The following ARID1B variants were observed in gnomAD, a reference collection of about 807,000 sequenced individuals.
ARID1B encodes AT-rich interactive domain-containing protein 1B.
Under a neutral mutation model 212.3 loss-of-function variants are expected in ARID1B, and 30 were observed. The ratio of observed to expected loss-of-function variants is 0.14; its 90% CI spans 0.11 to 0.19. The LOEUF (loss-of-function observed/expected upper bound fraction) is 0.19, where lower values mean the gene tolerates loss of function less well. Among genes scored for constraint, ARID1B ranks in the 10% least tolerant of loss-of-function variants. The probability of loss-of-function intolerance (pLI) is 1.00; values close to 1 mark genes in which losing one functional copy is unlikely to be tolerated. For synonymous variants in ARID1B, 1,402 were observed against 1,301.7 expected, an observed-to-expected ratio of 1.08 and a Z score of -1.66; for missense variants, 2,891 against 3,204.0, an observed-to-expected ratio of 0.90 and a Z score of 2.36.
intron 4 of ARID1B, among the ~76,000 whole-genome samples, chr6:156,948,791 AAAG>A (rs1793361865): frequency 6.6e-6 from 1 of 152,282 alleles, no homozygotes; most frequent in Non-Finnish European, 1.5e-5. Flanking sequence ...AGGAATAAGA[AAAG>A]AAATCCTCAA....
At chr6:156,899,144 C>G (rs900413848) in intron 2 of ARID1B, among the ~76,000 whole-genome samples, 1 of 152,150 alleles carries the variant, frequency 6.6e-6, no homozygotes. Context: ...TGGGACTGGG[C>G]AGGGCATCTA....
intron 3 of ARID1B, among the ~76,000 whole-genome samples, chr6:156,920,183 C>A (rs1290025077): frequency 6.6e-6 from 1 of 152,260 alleles, no homozygotes; most frequent in Admixed American, 6.5e-5. Context: ...TCACCTCCCT[C>A]CCCTTCAGCT....
At chr6:156,912,066 C>T (rs765450040) in intron 3 of ARID1B, among the ~76,000 whole-genome samples, 4 of 152,028 alleles carry the variant, frequency 2.6e-5, no homozygotes, top group Non-Finnish European at 1.5e-5. Flanking sequence ...TCTAAATTAT[C>T]TACATAAACA....
In ARID1B at chr6:157,201,405, G is replaced by A. The variant is rs1206706709; in HGVS notation, c.5180G>A (p.Arg1727Lys). 6.3e-7 allele frequency: 1 copy of A among 1,588,258 alleles called. No individual in the cohort carries two copies. The change falls in exon 18 of 20, where the codon AGG becomes AAG. Residue 1727 changes from arginine (R) to lysine (K), a missense_variant. By Grantham distance (26) the Arg-to-Lys change is conservative (BLOSUM62 2). This residue lies in a region of ARID1B where 666 missense variants were observed against 873.5 expected (regional missense o/e 0.76). Transcript: ENST00000636930. This position sits in a 1 kb window ranked among gnomAD's most constrained non-coding sequence, Gnocchi z 5.2. ...CCACCCCAACCACCCCCAATCAGAA[G>A]GGAGATCACCTTTCCTCCTGGCTCA... is the stretch of plus-strand genomic sequence containing the variant. Reference protein sequence around the residue: ...GPPPQPPPIRREITFPPGSVE... With the variant: ...GPPPQPPPIRKEITFPPGSVE...
chr6:156,882,337 A>G (rs1049676603), intron 2 of ARID1B, among the ~76,000 whole-genome samples: 4 of 152,056 alleles, frequency 2.6e-5, no homozygotes, highest in Admixed American at 2.0e-4. Context: ...CTGTTTGCCC[A>G]TGGGCTCCCT....
At chr6:157,162,508 C>G (rs1791010658) in intron 8 of ARID1B, among the ~76,000 whole-genome samples, 1 of 152,186 alleles carries the variant, frequency 6.6e-6, no homozygotes, top group African/African-American at 2.4e-5. Flanking sequence ...ATGTGTGCAG[C>G]CCGTGGGCAG....
intron 2 of ARID1B, among the ~76,000 whole-genome samples, chr6:156,895,750 A>C (rs192180145): frequency 1.1e-4 from 17 of 152,326 alleles, no homozygotes; most frequent in Non-Finnish European, 5.9e-5. Context: ...ACACACACAC[A>C]CACACCCACA....
At chr6:157,004,053 A>G (rs80182969) in intron 4 of ARID1B, among the ~76,000 whole-genome samples, 1,690 of 152,136 alleles carry the variant, frequency 0.011, 31 homozygotes, top group African/African-American at 0.039. Flanking sequence ...ACACAAATAA[A>G]AACAAAAAAC....
At chr6:157,202,102 TG>T (rs1794154032) in intron 18 of ARID1B, among the ~76,000 whole-genome samples, 1 of 152,198 alleles carries the variant, frequency 6.6e-6, no homozygotes, top group Non-Finnish European at 1.5e-5. Flanking sequence ...ATAAAGAATA[TG>T]CTATGCTGTG....
chr6:156,935,564 A>T lies in ARID1B; in HGVS notation c.2235A>T (p.Pro745=). 6.2e-7 allele frequency: 1 copy of T among 1,610,124 alleles called. No homozygotes were observed. Residue 745 remains proline (P), a synonymous_variant, in exon 4 of 20, where the codon CCA becomes CCT. Transcript: ENST00000636930. ...EDLNLIQQER[P]SSLPDLSGSI... The stretch of plus-strand genomic sequence containing the variant: ...TGAACTTAATACAGCAAGAAAGACC[A>T]TCAAGTTTACCAGTAAGACATTATT...
intron 1 of ARID1B, among the ~76,000 whole-genome samples, chr6:156,796,434 C>T (rs754941614): frequency 2.1e-5 from 3 of 145,570 alleles, no homozygotes; most frequent in African/African-American, 7.7e-5. Context: ...TATGAAGGGA[C>T]TGGGCATCTT....
intron 5 of ARID1B, among the ~76,000 whole-genome samples, chr6:157,099,305 C>T (rs924833666): frequency 1.3e-5 from 2 of 152,102 alleles, no homozygotes; most frequent in Admixed American, 1.3e-4. Flanking sequence ...GTCTAGAAGT[C>T]CGTGCATCAC....
chr6:156,778,289 GCAA>G lies in ARID1B; in HGVS notation c.612_614del (p.Gln214del), dbSNP rs754060642. The G allele has an allele frequency of 3.9e-5, 59 of 1,531,360 alleles. No individual in the cohort carries two copies. The highest frequency in any genetic ancestry group is 1.7e-4 in the Middle Eastern group (1 of 5,904). 94.9% of individuals were successfully genotyped at this position (1,531,360 alleles called of 1,614,324 possible). A position where few individuals can be genotyped will look rare whatever the true frequency, so the allele number is the denominator to read the frequency against. On this transcript the variant is annotated inframe_deletion, in exon 1 of 20. Coordinates refer to ENST00000636930, the MANE Select transcript of ARID1B (RefSeq NM_001374828.1). The stretch of plus-strand genomic sequence containing the variant: ...AGTTCCAGCAGCAGCAGCAGCAGCA[GCAA>G]CAGCAGCAGCAGCAGCAGCAGCAAC...
At chr6:157,121,926 C>CCAGGAATAGGT (rs1331636379) in intron 6 of ARID1B, among the ~76,000 whole-genome samples, 1 of 152,284 alleles carries the variant, frequency 6.6e-6, no homozygotes, top group African/African-American at 2.4e-5. Flanking sequence ...CTGTGCCTGG[C>CCAGGAATAGGT]TCGCATATAG....
intron 4 of ARID1B, among the ~76,000 whole-genome samples, chr6:156,945,111 T>TA (rs1255105627): frequency 4.0e-5 from 6 of 149,258 alleles, no homozygotes; most frequent in Non-Finnish European, 9.0e-5. Flanking sequence ...ATTTTTTTTT[T>TA]TTTTTAGTAG....
chr6:156,834,059 G>GA (rs1168162235), intron 2 of ARID1B, among the ~76,000 whole-genome samples: 1 of 152,028 alleles, frequency 6.6e-6, no homozygotes, highest in Non-Finnish European at 1.5e-5. Flanking sequence ...ATCTATTCTG[G>GA]AAAAAAATGT....
At position 156,778,889 on chromosome 6, in the gene ARID1B, C is replaced by CGGAGGAGGAGGAGGA. The variant is rs747790383; in HGVS notation, c.1220_1234dup (p.Gly407_Gly411dup). The CGGAGGAGGAGGAGGA allele has an allele frequency of 5.1e-6, 7 of 1,366,538 alleles. No homozygotes were observed. Among genetic ancestry groups the CGGAGGAGGAGGAGGA allele is most frequent in the Admixed American group, 3.4e-5 (1 of 29,094 alleles). 84.7% of individuals were successfully genotyped at this position (1,366,538 alleles called of 1,614,324 possible). ...GCGGCGGCGGAGGAGGAGGAGGCAGCGGAGGAGGAGGAGGAGGAGGAGGAG... is the reference window on the plus strand; with the variant it reads ...GCGGCGGCGGAGGAGGAGGAGGCAGCGGAGGAGGAGGAGGAGGAGGAGGAGGAGGAGGAGGAGGAG... On this transcript the variant is annotated inframe_insertion, in exon 1 of 20. Coordinates refer to ENST00000636930, the MANE Select transcript of ARID1B (RefSeq NM_001374828.1).
intron 4 of ARID1B, among the ~76,000 whole-genome samples, chr6:157,034,467 C>T (rs745685733): frequency 2.0e-5 from 3 of 152,208 alleles, no homozygotes; most frequent in Non-Finnish European, 2.9e-5. Context: ...CACAGATCTA[C>T]TTCTAATTTA....
At chr6:156,784,763 T>C (rs1779519198) in intron 1 of ARID1B, among the ~76,000 whole-genome samples, 1 of 152,202 alleles carries the variant, frequency 6.6e-6, no homozygotes, top group Non-Finnish European at 1.5e-5. Flanking sequence ...CATTTAGTTA[T>C]TTGTTTTTCT....
Sources: gnomAD v4.1 joint callset for allele counts (sites outside exome capture counted in the v4.1 genomes callset) on GRCh38, gnomAD v4.1.1 for gene constraint, gnomAD v4.1.1 regional missense constraint, Gnocchi (gnomAD v3.1) non-coding constraint, MANE v1.5 for transcripts, NCBI Gene and HGNC (gene_info 2026-07-23, HGNC 2026-07-21) for gene names.